ALG5: variants seen among roughly 807,000 people sequenced by gnomAD.
ALG5 encodes dolichyl-phosphate beta-glucosyltransferase.
In ALG5, 26 loss-of-function variants were observed where a neutral mutation model predicts 51.8. The ratio of observed to expected loss-of-function variants is 0.50; its 90% CI spans 0.37 to 0.70. The LOEUF (loss-of-function observed/expected upper bound fraction) is 0.70. ALG5 is among the 30% of genes least tolerant of loss of function. The probability of loss-of-function intolerance (pLI) is 0.00; values close to 1 mark genes in which losing one functional copy is unlikely to be tolerated. For missense variants in ALG5, 311 were observed against 399.3 expected (o/e 0.78, Z 1.88); for synonymous variants, 141 against 136.1 (o/e 1.04, Z -0.25).
intron 6 of ALG5, among the ~76,000 whole-genome samples, chr13:36,977,469 G>T (rs1159958119): frequency 1.3e-5 from 2 of 151,944 alleles, no homozygotes; most frequent in African/African-American, 4.8e-5. Flanking sequence ...ACCCCAGCCT[G>T]GGCAACAGAA....
chr13:36,972,190 C>T (rs1039036137), intron 6 of ALG5, among the ~76,000 whole-genome samples, 154 bp from the exon 7 acceptor site: 2 of 152,018 alleles, frequency 1.3e-5, no homozygotes, highest in Non-Finnish European at 2.9e-5. Flanking sequence ...AGAATATGTA[C>T]AACTTTGAGA....
intron 8 of ALG5, among the ~76,000 whole-genome samples, chr13:36,962,917 G>C (rs1390388291): frequency 6.6e-6 from 1 of 152,028 alleles, no homozygotes; most frequent in Non-Finnish European, 1.5e-5. Flanking sequence ...ACAATATCTT[G>C]GAAATATATT....
intron 8 of ALG5, among the ~76,000 whole-genome samples, chr13:36,958,399 G>C (rs990740144): frequency 1.1e-4 from 16 of 152,216 alleles, no homozygotes; most frequent in Non-Finnish European, 2.4e-4. Context: ...TGTTAAGTTT[G>C]TCTCTTCCAG....
At chr13:36,977,259 T>C (rs2058956258) in intron 6 of ALG5, among the ~76,000 whole-genome samples, 3 of 152,250 alleles carry the variant, frequency 2.0e-5, no homozygotes, top group South Asian at 4.1e-4. Flanking sequence ...AGAAAATGTC[T>C]GTAGACATGG....
intron 5 of ALG5, 57 bp from the exon 6 acceptor site, chr13:36,985,797 T>G: frequency 8.6e-7 from 1 of 1,165,042 alleles, no homozygotes; most frequent in Non-Finnish European, 1.3e-6. Context: ...TTAAATTCAA[T>G]GACACTTCAG....
chr13:36,982,519 A>G (rs2058984542), intron 6 of ALG5, among the ~76,000 whole-genome samples: 1 of 152,248 alleles, frequency 6.6e-6, no homozygotes, highest in Non-Finnish European at 1.5e-5. Context: ...TCATGCTACA[A>G]TAGAGCGTTG....
At chr13:36,982,192 T>G (rs148005569) in intron 6 of ALG5, among the ~76,000 whole-genome samples, 1 of 152,210 alleles carries the variant, frequency 6.6e-6, no homozygotes, top group Non-Finnish European at 1.5e-5. Flanking sequence ...TCTGAAGGGC[T>G]GTCACAAAGA....
At chr13:36,996,700 C>A (rs1023697895) in intron 1 of ALG5, among the ~76,000 whole-genome samples, 2 of 152,026 alleles carry the variant, frequency 1.3e-5, no homozygotes, top group East Asian at 3.9e-4. Flanking sequence ...TTGCCTTTTG[C>A]GTTTTATATG....
chr13:36,995,161 A>T, intron 2 of ALG5, 126 bp from the exon 3 acceptor site: 1 of 855,578 alleles, frequency 1.2e-6, no homozygotes, highest in African/African-American at 1.7e-5. Flanking sequence ...CCCAATGGTC[A>T]TTCCCATCTG....
rs1386366684 is a variant in ALG5 at position 36,949,843 on chromosome 13, T to A, written c.*99A>T. On this transcript the variant is annotated 3_prime_UTR_variant, in exon 10 of 10. Transcript: ENST00000239891. Reference sequence around the variant, plus strand: ...TTTAAAATTATCAAAAGGCAGACAATGACAAGAAGTTTATTTCAGCTTTAC... The same window carrying A: ...TTTAAAATTATCAAAAGGCAGACAAAGACAAGAAGTTTATTTCAGCTTTAC... 2 of 607,802 alleles carry A rather than the reference T, an allele frequency of 3.3e-6. No homozygotes were observed. The highest frequency in any genetic ancestry group is 6.2e-5 in the East Asian group (2 of 32,390). The allele number at this position is 607,802 out of a possible 1,614,324, so 37.7% of individuals were successfully genotyped here.
At chr13:36,957,753 G>A (rs2058847009) in intron 8 of ALG5, among the ~76,000 whole-genome samples, 1 of 152,132 alleles carries the variant, frequency 6.6e-6, no homozygotes, top group Non-Finnish European at 1.5e-5. Flanking sequence ...AGACGGCCAA[G>A]TTAGTTGCAG....
In ALG5 at chr13:36,999,307, T is replaced by G. The variant is rs368835581; in HGVS notation, c.-7A>C. On this transcript the variant is annotated 5_prime_UTR_variant, in exon 1 of 10. An upstream start codon of the reference 5' UTR is lost. Coordinates refer to ENST00000239891, the MANE Select transcript of ALG5 (RefSeq NM_013338.5). ...GCAACAGAAGCGGAGCCATTCTCCA[T>G]GCCGTGGCAGCCCGCCCAATCCCGC... 7 of 1,569,828 alleles carry G rather than the reference T, an allele frequency of 4.5e-6. No homozygotes were observed. The East Asian group carries it at 1.3e-4, about 29-fold the overall frequency.
In ALG5 at chr13:36,995,609, A is replaced by G. The variant is rs1020283892; in HGVS notation, c.67-13T>C. Reference sequence around the variant, plus strand: ...CAACGATGGAAATCTAAAAGCAGACATACATGTCTTTTACAAAACAGAAAT... The same window carrying G: ...CAACGATGGAAATCTAAAAGCAGACGTACATGTCTTTTACAAAACAGAAAT... On this transcript the variant is annotated splice_polypyrimidine_tract_variant and intron_variant, in intron 1 of 9. Transcript: ENST00000239891. 1.3e-6 allele frequency: 2 copies of G among 1,591,404 alleles called. No individual in the cohort carries two copies. The highest frequency in any genetic ancestry group is 1.7e-6 in the Non-Finnish European group (2 of 1,174,744).
rs2059072461 is a variant in ALG5 at position 36,999,252 on chromosome 13, C to G, written c.49G>C (p.Ala17Pro). 1 of 1,580,316 alleles carries G rather than the reference C, an allele frequency of 6.3e-7. No homozygotes were observed. The highest frequency in any genetic ancestry group is 1.8e-5 in the Admixed American group (1 of 55,210). Reference sequence around the variant, plus strand: ...GTTCTCACCAGTACGAGGGCTGCGGCCGCCAGCGCCGCGCCGAGCACCGCC... The same window carrying G: ...GTTCTCACCAGTACGAGGGCTGCGGGCGCCAGCGCCGCGCCGAGCACCGCC... ...QLAVLGAALA[A>P]AALVLISIVA... Residue 17 changes from alanine to proline, a missense_variant, in exon 1 of 10, where the codon GCC becomes CCC. Physicochemically the swap from Ala to Pro is conservative, Grantham distance 27 (BLOSUM62 -1). Coordinates refer to ENST00000239891, the MANE Select transcript of ALG5 (RefSeq NM_013338.5).
In ALG5 at chr13:36,961,953, T is replaced by G. The variant is rs192275289; in HGVS notation, c.773+3622A>C. Among the ~76,000 whole-genome samples, 691 of 152,164 alleles carry G rather than the reference T, an allele frequency of 4.5e-3. 7 individuals are homozygous for G. The highest frequency in any genetic ancestry group is 0.016 in the African/African-American group (671 of 41,520). ...CCTACCACCACGCTTGGCTAATTTT[T>G]AAAAATGTATTTTTAGTAAAGACGA... On this transcript the variant is annotated intron_variant, in intron 8 of 9. Transcript: ENST00000239891.
At chr13:36,971,761 A>G (rs2058924871) in intron 7 of ALG5, among the ~76,000 whole-genome samples, 1 of 151,802 alleles carries the variant, frequency 6.6e-6, no homozygotes, top group African/African-American at 2.4e-5. Flanking sequence ...AGGCAAAGCG[A>G]AGTCCACATC....
Position 36,985,848 on chromosome 13 carries a change from T to A in ALG5, c.448-108A>T, listed in dbSNP as rs1438189933. Reference sequence around the variant, plus strand: ...ATACCTAAGAGTGAAAGATGAGGTATGAGATGGCTGAAGGAGGCCAGAGTT... The same window carrying A: ...ATACCTAAGAGTGAAAGATGAGGTAAGAGATGGCTGAAGGAGGCCAGAGTT... On this transcript the variant is annotated intron_variant, in intron 5 of 9. Transcript: ENST00000239891. 10 of 634,986 alleles carry A rather than the reference T, an allele frequency of 1.6e-5. No individual in the cohort carries two copies. In the East Asian group the frequency reaches 2.8e-4, roughly 18 times the overall value. 39.3% of individuals were successfully genotyped at this position (634,986 alleles called of 1,614,324 possible).
Position 36,959,154 on chromosome 13 carries a change from A to T in ALG5, c.773+6421T>A, listed in dbSNP as rs140705532. Among the ~76,000 whole-genome samples, 144 of 152,294 alleles carry T rather than the reference A, an allele frequency of 9.5e-4. 1 individual carries two copies. The highest frequency in any genetic ancestry group is 3.4e-3 in the African/African-American group (140 of 41,560). ...TCCTCTCACTTTTATGTGGAATCTA[A>T]AACCATCAAACACATAGAGGCAGAG... On this transcript the variant is annotated intron_variant, in intron 8 of 9. Transcript: ENST00000239891.
At chr13:36,951,679 G>T (rs1408974290) in intron 9 of ALG5, among the ~76,000 whole-genome samples, 1 of 152,194 alleles carries the variant, frequency 6.6e-6, no homozygotes, top group Admixed American at 6.5e-5. Context: ...ATTTATGATA[G>T]ATTTCAAGTT....
Sources: allele counts gnomAD v4.1 joint callset (sites outside exome capture counted in the v4.1 genomes callset), GRCh38; gene constraint gnomAD v4.1.1; transcripts MANE v1.5; gene names NCBI Gene and HGNC (gene_info 2026-07-23, HGNC 2026-07-21).